Variants in BFSP2 observed in about 807,000 individuals in gnomAD.
BFSP2 encodes the protein phakinin.
BFSP2 carries 38 observed loss-of-function variants against 44.9 expected under a neutral mutation model. The ratio of observed to expected loss-of-function variants is 0.85; its 90% CI spans 0.65 to 1.11. The LOEUF (loss-of-function observed/expected upper bound fraction) is 1.11, where lower values mean the gene tolerates loss of function less well. Among genes scored for constraint, BFSP2 ranks in the 50% least tolerant of loss-of-function variants. The pLI, the probability that BFSP2 is intolerant of heterozygous loss-of-function variation, is 0.00. For synonymous variants in BFSP2, 197 were observed against 209.9 expected (o/e 0.94, Z 0.53); for missense variants, 525 against 533.0 (o/e 0.99, Z 0.15).
chr3:133,471,795 G>A (rs2074164076), intron 5 of BFSP2, among the ~76,000 whole-genome samples: 1 of 152,084 alleles, frequency 6.6e-6, no homozygotes, highest in African/African-American at 2.4e-5. Context: ...ACACCAAAGG[G>A]GAAAGCGCTG....
At chr3:133,430,108 GT>G (rs952952520) in intron 1 of BFSP2, among the ~76,000 whole-genome samples, 1 of 151,860 alleles carries the variant, frequency 6.6e-6, no homozygotes, top group African/African-American at 2.4e-5. Context: ...TGGCTGCATA[GT>G]ATTCCATAGT....
intron 1 of BFSP2, among the ~76,000 whole-genome samples, chr3:133,423,873 T>A (rs1009446221): frequency 8.1e-4 from 123 of 152,338 alleles, no homozygotes; most frequent in African/African-American, 2.8e-3. Context: ...ACCTTGATCC[T>A]GGGAAGCCAG....
At chr3:133,448,858 T>G (rs889945980) in intron 3 of BFSP2, 1 of 611,420 alleles carries the variant, frequency 1.6e-6, no homozygotes, top group Non-Finnish European at 2.8e-6. Flanking sequence ...CAGGAACCAG[T>G]GTGGTACAGA....
At chr3:133,472,707 G>A in intron 6 of BFSP2, 142 bp downstream of exon 6, 1 of 925,950 alleles carries the variant, frequency 1.1e-6, no homozygotes, top group Non-Finnish European at 1.7e-6. Context: ...CCACAGCCTA[G>A]CTGTGTCCTT....
At chr3:133,433,409 G>A (rs1205558188) in intron 1 of BFSP2, among the ~76,000 whole-genome samples, 1 of 152,162 alleles carries the variant, frequency 6.6e-6, no homozygotes, top group Non-Finnish European at 1.5e-5. Context: ...ACTTCTCAGT[G>A]TTCCATCTGC....
chr3:133,457,226 A>G (rs531394083), intron 4 of BFSP2, among the ~76,000 whole-genome samples: 1 of 152,362 alleles, frequency 6.6e-6, no homozygotes, highest in Admixed American at 6.5e-5. Flanking sequence ...CTTCAGTGAA[A>G]TAAGCCATGG....
intron 3 of BFSP2, chr3:133,448,895 A>T (rs1469033020): frequency 1.2e-5 from 6 of 517,066 alleles, no homozygotes; most frequent in Non-Finnish European, 2.1e-5. Context: ...CAGTCTTGGC[A>T]CTAGCAAATG....
intron 1 of BFSP2, among the ~76,000 whole-genome samples, chr3:133,424,202 C>T (rs1453374280): frequency 8.2e-6 from 1 of 121,722 alleles, no homozygotes; most frequent in Non-Finnish European, 1.7e-5. Flanking sequence ...CCTACCACCG[C>T]GTCCAGCTAA....
chr3:133,413,201 T>C (rs1326802661), intron 1 of BFSP2, among the ~76,000 whole-genome samples: 1 of 152,094 alleles, frequency 6.6e-6, no homozygotes, highest in East Asian at 1.9e-4. Flanking sequence ...AAAAGTCCTG[T>C]CAGTGGCTTT....
intron 1 of BFSP2, among the ~76,000 whole-genome samples, chr3:133,432,523 T>C (rs970087960): frequency 7.9e-5 from 12 of 152,284 alleles, no homozygotes; most frequent in African/African-American, 2.9e-4. Flanking sequence ...CCAAGCTCTT[T>C]CTCATGATTT....
chr3:133,421,211 A>G (rs1191540816), intron 1 of BFSP2, among the ~76,000 whole-genome samples: 1 of 152,224 alleles, frequency 6.6e-6, no homozygotes, highest in African/African-American at 2.4e-5. Flanking sequence ...CCCACAAAGT[A>G]ATCAGTTAAT....
intron 1 of BFSP2, among the ~76,000 whole-genome samples, chr3:133,444,557 TG>T (rs1198899396): frequency 6.6e-6 from 1 of 151,930 alleles, no homozygotes; most frequent in Non-Finnish European, 1.5e-5. Context: ...GCCACAGGGG[TG>T]GGCTGTGACT....
At chr3:133,426,928 G>A (rs1468601149) in intron 1 of BFSP2, among the ~76,000 whole-genome samples, 1 of 152,190 alleles carries the variant, frequency 6.6e-6, no homozygotes, top group Non-Finnish European at 1.5e-5. Flanking sequence ...CCAGTACTGA[G>A]TGGGAGATGG....
At chr3:133,418,140 C>G (rs1336792869) in intron 1 of BFSP2, among the ~76,000 whole-genome samples, 1 of 151,470 alleles carries the variant, frequency 6.6e-6, no homozygotes. Context: ...GTCCTCTCCC[C>G]TCTACTCACC....
intron 1 of BFSP2, among the ~76,000 whole-genome samples, chr3:133,430,010 G>GT (rs1329788406): frequency 2.7e-5 from 4 of 150,410 alleles, no homozygotes; most frequent in Non-Finnish European, 5.9e-5. Flanking sequence ...GCGGTGTTTG[G>GT]TTTTTTGTCC....
Position 133,448,648 on chromosome 3 carries a change from A to G in BFSP2, c.729+3A>G, listed in dbSNP as rs961386266. On this transcript the variant is annotated splice_donor_region_variant and intron_variant, in intron 3 of 6. Transcript: ENST00000302334. ...CTCTATCAAGAAACTATGAAGAGGTAGGAGGGGGCTGGGGTTGCTGGGTTG... is the reference window on the plus strand; with the variant it reads ...CTCTATCAAGAAACTATGAAGAGGTGGGAGGGGGCTGGGGTTGCTGGGTTG... The G allele has an allele frequency of 1.9e-6, 3 of 1,605,510 alleles. No homozygotes were observed. The African/African-American group carries it at 4.0e-5, about 22-fold the overall frequency.
intron 1 of BFSP2, among the ~76,000 whole-genome samples, chr3:133,411,407 C>A (rs1402400575): frequency 6.6e-6 from 1 of 151,770 alleles, no homozygotes; most frequent in Non-Finnish European, 1.5e-5. Context: ...TTATTTATAT[C>A]TATAATAAAA....
chr3:133,466,167 C>CA (rs1553785229), intron 4 of BFSP2, among the ~76,000 whole-genome samples: 1 of 150,964 alleles, frequency 6.6e-6, no homozygotes, highest in African/African-American at 2.4e-5. Flanking sequence ...TACCAAAGCA[C>CA]GGGGGGGGCA....
At chr3:133,415,924 C>A (rs1380689270) in intron 1 of BFSP2, among the ~76,000 whole-genome samples, 1 of 140,714 alleles carries the variant, frequency 7.1e-6, no homozygotes, top group Non-Finnish European at 1.5e-5. Context: ...CCTCTGTACT[C>A]AGCCCTGCCA....
Sources: allele counts gnomAD v4.1 joint callset (sites outside exome capture counted in the v4.1 genomes callset), GRCh38; gene constraint gnomAD v4.1.1; transcripts MANE v1.5; gene names NCBI Gene and HGNC (gene_info 2026-07-23, HGNC 2026-07-21).